Variants in ATP7A observed in about 807,000 individuals in gnomAD.
ATP7A encodes ATPase copper transporting alpha, also known as copper-transporting ATPase 1.
Under a neutral mutation model 83.5 loss-of-function variants are expected in ATP7A, and 7 were observed. The ratio of observed to expected loss-of-function variants is 0.08; its 90% CI spans 0.05 to 0.16. ATP7A has a LOEUF of 0.16. ATP7A is among the 10% of genes least tolerant of loss of function. The pLI is 1.00. For synonymous variants in ATP7A, 354 were observed against 395.2 expected (o/e 0.90, Z 1.24); for missense variants, 940 against 1,120.8 (o/e 0.84, Z 2.30).
At chrX:77,915,612 A>T (rs1557222437) in intron 1 of ATP7A, among the ~76,000 whole-genome samples, 1 of 112,203 alleles carries the variant, frequency 8.9e-6, no homozygotes, top group African/African-American at 3.2e-5. Flanking sequence ...TAATTTTAAC[A>T]TCCTATATAA....
rs782001939 is a variant in ATP7A, at chrX:78,011,304, A to AT, written c.1946+61dup. The stretch of plus-strand genomic sequence containing the variant: ...AACAGATTTTGACTCCTTATTACAA[A>AT]TTTTTTTTTGCATGTCAGTTTTTAT... On this transcript the variant is annotated intron_variant, in intron 8 of 22. Coordinates refer to ENST00000341514, the MANE Select transcript of ATP7A (RefSeq NM_000052.7). 2.7e-4 allele frequency: 306 copies of AT among 1,121,410 alleles called. No individual in the cohort carries two copies. The African/African-American group carries it at 3.7e-3, about 14-fold the overall frequency. The allele number at this position is 1,121,410 out of a possible 1,213,427, so 92.4% of individuals were successfully genotyped here. A position where few individuals can be genotyped will look rare whatever the true frequency, so the allele number is the denominator to read the frequency against.
chrX:77,958,745 T>C (rs1603376448), intron 1 of ATP7A, among the ~76,000 whole-genome samples: 2 of 110,230 alleles, frequency 1.8e-5, no homozygotes, highest in East Asian at 5.6e-4. Flanking sequence ...GCTTTTCATT[T>C]GTTTATGTCT....
At chrX:78,030,716 A>G (rs1381875327) in intron 15 of ATP7A, among the ~76,000 whole-genome samples, 7 of 92,374 alleles carry the variant, frequency 7.6e-5, no homozygotes, top group Non-Finnish European at 1.3e-4. Flanking sequence ...TTTTGAGATG[A>G]AGTCTCGCTC....
chrX:77,918,130 G>A (rs782323176), intron 1 of ATP7A, among the ~76,000 whole-genome samples: 3 of 105,919 alleles, frequency 2.8e-5, no homozygotes, highest in South Asian at 4.3e-4. Context: ...GCAGTGGCAC[G>A]ATCACAGCTC....
At position 77,985,363 on chromosome X, in the gene ATP7A, G is replaced by A. The variant is rs781914510; in HGVS notation, c.121-2879G>A. Among the ~76,000 whole-genome samples the A allele has an allele frequency of 7.1e-5, 7 of 98,166 alleles. No homozygotes were observed. In the South Asian group the frequency reaches 4.4e-3, roughly 62 times the overall value. 85.2% of individuals were successfully genotyped at this position (98,166 alleles called of 115,157 possible). ...TTAAAATGAGAACAATTTCTGATTG[G>A]CTATGTTGGTAAATTGACATTTTTG... On this transcript the variant is annotated intron_variant, in intron 2 of 22. Transcript: ENST00000341514.
intron 1 of ATP7A, among the ~76,000 whole-genome samples, chrX:77,912,115 C>T (rs782283240): frequency 3.6e-5 from 4 of 111,663 alleles, no homozygotes; most frequent in Admixed American, 9.5e-5. Context: ...TTATATTTAA[C>T]ATTTTCTGGT....
intron 10 of ATP7A, among the ~76,000 whole-genome samples, chrX:78,014,405 AAAATAAATAAAT>A (rs781997821): frequency 9.0e-6 from 1 of 110,547 alleles, no homozygotes; most frequent in African/African-American, 3.3e-5. Context: ...ACTCTGTCTC[AAAATAAATAAAT>A]AAATAAATAA....
chrX:77,969,179 C>A, intron 1 of ATP7A: 2 of 1,211,623 alleles, frequency 1.7e-6, no homozygotes, highest in Non-Finnish European at 1.1e-6. Context: ...TTCGGACTCT[C>A]ATAGGAGGGT....
intron 14 of ATP7A, among the ~76,000 whole-genome samples, chrX:78,028,189 ATTT>A (rs782109966): frequency 1.0e-5 from 1 of 97,523 alleles, no homozygotes. Context: ...TCCCTGGCTA[ATTT>A]TTTTTTTTTT....
chrX:78,049,212 G>A lies in ATP7A; in HGVS notation c.*2642G>A, dbSNP rs782446493. On this transcript the variant is annotated 3_prime_UTR_variant, in exon 23 of 23. Transcript: ENST00000341514. The stretch of plus-strand genomic sequence containing the variant: ...TCAGTTAGTAGCTAGCTTTAAGTCA[G>A]GAGTTAGTAATGAGAAATTTTATAA... 1.8e-5 allele frequency: 2 copies of A among 111,345 alleles called. No homozygotes were observed. Among genetic ancestry groups the A allele is most frequent in the African/African-American group, 6.5e-5 (2 of 30,708 alleles). The allele number at this position is 111,345 out of a possible 1,213,427, so 9.2% of individuals were successfully genotyped here.
intron 1 of ATP7A, among the ~76,000 whole-genome samples, chrX:77,962,279 AG>A (rs1304907824): frequency 1.8e-5 from 2 of 111,796 alleles, no homozygotes; most frequent in Non-Finnish European, 3.8e-5. Flanking sequence ...ATCCTCTCAT[AG>A]AGCATAGGCC....
intron 10 of ATP7A, among the ~76,000 whole-genome samples, chrX:78,013,829 G>T (rs1040334471): frequency 1.8e-5 from 2 of 111,196 alleles, no homozygotes; most frequent in Non-Finnish European, 3.8e-5. Flanking sequence ...GCCAGCAGGG[G>T]TATGTCAGTG....
rs782395474 is a variant in ATP7A at position 78,009,058 on chromosome X, G to A, written c.1708-44G>A. 3.4e-6 allele frequency: 4 copies of A among 1,168,528 alleles called. No individual in the cohort carries two copies. The South Asian group carries it at 7.3e-5, about 21-fold the overall frequency. On this transcript the variant is annotated intron_variant, in intron 6 of 22. Transcript: ENST00000341514. ...AAAGTGGTAACTCATGTTTAATGGTGGAAAAAGTATATTCCTGAAGAACAA... is the reference window on the plus strand; with the variant it reads ...AAAGTGGTAACTCATGTTTAATGGTAGAAAAAGTATATTCCTGAAGAACAA...
Position 78,018,848 on chromosome X carries a change from C to T in ATP7A, c.2627-1396C>T, listed in dbSNP as rs1392704735. On this transcript the variant is annotated intron_variant, in intron 12 of 22. Coordinates refer to ENST00000341514, the MANE Select transcript of ATP7A (RefSeq NM_000052.7). ...AAATCTTGGCAGAAGGTGAAGGGGG[C>T]AAGGACCTTCTTCATAAGGCAACAG... Among the ~76,000 whole-genome samples the T allele has an allele frequency of 2.7e-5, 3 of 110,196 alleles. No individual in the cohort carries two copies. In the Admixed American group the frequency reaches 2.9e-4, roughly 11 times the overall value.
chrX:78,013,361 ATTTAC>A (rs2077840620), intron 10 of ATP7A, among the ~76,000 whole-genome samples: 1 of 111,908 alleles, frequency 8.9e-6, no homozygotes, highest in African/African-American at 3.2e-5. Flanking sequence ...CTTATCACTT[ATTTAC>A]TTACATTATT....
At chrX:78,031,106 A>G (rs959800464) in intron 15 of ATP7A, among the ~76,000 whole-genome samples, 5 of 111,735 alleles carry the variant, frequency 4.5e-5, no homozygotes, top group African/African-American at 1.6e-4. Context: ...GCGTCTCTTA[A>G]TTACCTATTA....
intron 5 of ATP7A, 23 bp from the exon 6 acceptor site, chrX:78,003,050 G>A (rs2077751211): frequency 8.4e-7 from 1 of 1,191,132 alleles, no homozygotes; most frequent in Non-Finnish European, 1.1e-6. Flanking sequence ...TATCTGTATT[G>A]TTTTTCTTAT....
At chrX:77,912,856 C>T (rs1487491310) in intron 1 of ATP7A, among the ~76,000 whole-genome samples, 7 of 111,457 alleles carry the variant, frequency 6.3e-5, no homozygotes, top group East Asian at 5.6e-4. Context: ...TATTCTATTC[C>T]GATCACAGCC....
At chrX:78,030,066 C>T (rs1238643681) in intron 15 of ATP7A, among the ~76,000 whole-genome samples, 1 of 112,111 alleles carries the variant, frequency 8.9e-6, no homozygotes, top group Non-Finnish European at 1.9e-5. Flanking sequence ...AAACTCACCT[C>T]GCCAGAGAAT....
Sources: gnomAD v4.1 joint callset for allele counts (sites outside exome capture counted in the v4.1 genomes callset) on GRCh38, gnomAD v4.1.1 for gene constraint, MANE v1.5 for transcripts, NCBI Gene and HGNC (gene_info 2026-07-23, HGNC 2026-07-21) for gene names.